PRKCA: variants seen among roughly 807,000 people sequenced by gnomAD.
The protein encoded by PRKCA is protein kinase C alpha, also known as protein kinase C alpha type.
Under a neutral mutation model 87.0 loss-of-function variants are expected in PRKCA, and 27 were observed. The ratio of observed to expected loss-of-function variants is 0.31; its 90% CI spans 0.23 to 0.43. The LOEUF (loss-of-function observed/expected upper bound fraction) is 0.43. PRKCA is among the 20% of genes least tolerant of loss of function. The pLI is 1.00. For missense variants in PRKCA, 518 were observed against 852.3 expected, an observed-to-expected ratio of 0.61 and a Z score of 4.88; for synonymous variants, 329 against 311.1, an observed-to-expected ratio of 1.06 and a Z score of -0.61.
chr17:66,365,781 A>G (rs946404413), intron 2 of PRKCA, among the ~76,000 whole-genome samples: 5 of 152,234 alleles, frequency 3.3e-5, no homozygotes, highest in African/African-American at 1.2e-4. Flanking sequence ...TTATTTAAGC[A>G]GAAGTATTAA....
At chr17:66,747,479 C>T (rs1208697343) in intron 13 of PRKCA, among the ~76,000 whole-genome samples, 1 of 152,242 alleles carries the variant, frequency 6.6e-6, no homozygotes, top group Non-Finnish European at 1.5e-5. Context: ...GATACACTGA[C>T]TTCTCTGCAC....
At chr17:66,566,519 C>G (rs1968905686) in intron 3 of PRKCA, among the ~76,000 whole-genome samples, 1 of 132,496 alleles carries the variant, frequency 7.5e-6, no homozygotes, top group South Asian at 2.6e-4. Context: ...GCTTTCCCCA[C>G]TTTGGGAAAT....
At chr17:66,610,351 C>A (rs1970323175) in intron 3 of PRKCA, among the ~76,000 whole-genome samples, 1 of 152,172 alleles carries the variant, frequency 6.6e-6, no homozygotes, top group African/African-American at 2.4e-5. Context: ...AGTCCAGAGA[C>A]TTTTATGGAG....
chr17:66,798,509 A>G (rs1355491752), intron 16 of PRKCA, among the ~76,000 whole-genome samples: 6 of 888 alleles, frequency 6.8e-3, no homozygotes, highest in Non-Finnish European at 6.3e-3. Context: ...GGTGGTGGTG[A>G]CGGTGGTGAC....
rs552664143 is a variant in PRKCA at position 66,608,785 on chromosome 17, C to A, written c.289-32570C>A. On this transcript the variant is annotated intron_variant, in intron 3 of 16. Coordinates refer to ENST00000413366, the MANE Select transcript of PRKCA (RefSeq NM_002737.3). ...GCTATTCTCCCTGAAAAGAAATAGG[C>A]CAAGAGTTGATTGTTGTGTTAGCTG... Among the ~76,000 whole-genome samples, 6 of 152,134 alleles carry A rather than the reference C, an allele frequency of 3.9e-5. No homozygotes were observed. The South Asian group carries it at 8.3e-4, about 21-fold the overall frequency.
At chr17:66,508,365 G>T (rs1000304729) in intron 3 of PRKCA, among the ~76,000 whole-genome samples, 2 of 152,224 alleles carry the variant, frequency 1.3e-5, no homozygotes, top group Non-Finnish European at 2.9e-5. Context: ...TCATGGCCAC[G>T]AAGATAACAC....
At chr17:66,595,038 A>T (rs1969930876) in intron 3 of PRKCA, among the ~76,000 whole-genome samples, 1 of 151,544 alleles carries the variant, frequency 6.6e-6, no homozygotes, top group Admixed American at 6.6e-5. Context: ...CCATCCCATG[A>T]CTCCCTCCTA....
At chr17:66,765,443 TATATATATATATCC>T in intron 13 of PRKCA, among the ~76,000 whole-genome samples, 1 of 138,410 alleles carries the variant, frequency 7.2e-6, no homozygotes, top group Admixed American at 7.3e-5. Context: ...TATATATATA[TATATATATATATCC>T]ATATATATAC....
intron 3 of PRKCA, among the ~76,000 whole-genome samples, chr17:66,535,414 T>G (rs1967742895): frequency 1.3e-5 from 2 of 152,206 alleles, no homozygotes; most frequent in Admixed American, 1.3e-4. Context: ...TGATGTCTTG[T>G]GGGATAGTTA....
chr17:66,555,209 C>T lies in PRKCA; in HGVS notation c.288+58926C>T, dbSNP rs369063111. Among the ~76,000 whole-genome samples, 4 of 152,312 alleles carry T rather than the reference C, an allele frequency of 2.6e-5. No individual in the cohort carries two copies. In the South Asian group the frequency reaches 8.3e-4, roughly 32 times the overall value. On this transcript the variant is annotated intron_variant, in intron 3 of 16. Transcript: ENST00000413366. ...TTGTAAATTCTTTGAAGGCAGGTAT[C>T]GTATCTTTCTGTGCAGTCAGCACAG...
chr17:66,749,811 T>A (rs558146319), intron 13 of PRKCA, among the ~76,000 whole-genome samples: 2 of 152,168 alleles, frequency 1.3e-5, no homozygotes, highest in South Asian at 4.2e-4. Flanking sequence ...GCCAGGTGAT[T>A]GGAAGGGTGA....
At chr17:66,583,401 G>C (rs1315294060) in intron 3 of PRKCA, among the ~76,000 whole-genome samples, 1 of 152,140 alleles carries the variant, frequency 6.6e-6, no homozygotes, top group Non-Finnish European at 1.5e-5. Context: ...CAGGGGTTAA[G>C]AATAGACAAT....
At chr17:66,772,272 T>TA (rs1974950524) in intron 13 of PRKCA, among the ~76,000 whole-genome samples, 1 of 152,172 alleles carries the variant, frequency 6.6e-6, no homozygotes, top group Non-Finnish European at 1.5e-5. Flanking sequence ...AATTAGAGAC[T>TA]CCTTGTAGGT....
intron 3 of PRKCA, among the ~76,000 whole-genome samples, chr17:66,606,601 A>T (rs1294303985): frequency 3.9e-5 from 6 of 152,222 alleles, no homozygotes; most frequent in Non-Finnish European, 8.8e-5. Flanking sequence ...TAAAATTAGA[A>T]AAATAAAGTA....
intron 2 of PRKCA, among the ~76,000 whole-genome samples, chr17:66,485,688 C>A (rs1437811226): frequency 6.6e-6 from 1 of 152,064 alleles, no homozygotes; most frequent in African/African-American, 2.4e-5. Flanking sequence ...GACCTACATG[C>A]TTATAGATGT....
At chr17:66,732,061 A>T (rs1854207227) in intron 8 of PRKCA, among the ~76,000 whole-genome samples, 1 of 148,444 alleles carries the variant, frequency 6.7e-6, no homozygotes, top group Non-Finnish European at 1.5e-5. Context: ...GAGTGCTGGG[A>T]TCTCTTCTTA....
chr17:66,735,090 C>T (rs1973993076), intron 9 of PRKCA, among the ~76,000 whole-genome samples: 1 of 152,182 alleles, frequency 6.6e-6, no homozygotes, highest in Non-Finnish European at 1.5e-5. Context: ...TTCATAGACG[C>T]AGGAACTGAT....
At chr17:66,561,873 T>C (rs913707148) in intron 3 of PRKCA, among the ~76,000 whole-genome samples, 1 of 151,766 alleles carries the variant, frequency 6.6e-6, no homozygotes, top group Non-Finnish European at 1.5e-5. Context: ...GCAAGTATAA[T>C]GATGGCTGCT....
In PRKCA at chr17:66,804,127, G is replaced by A; in HGVS notation, c.*90G>A. 2.7e-6 allele frequency: 4 copies of A among 1,501,636 alleles called. No homozygotes were observed. In the South Asian group the frequency reaches 5.3e-5, roughly 20 times the overall value. 93.0% of individuals were successfully genotyped at this position (1,501,636 alleles called of 1,614,324 possible). A position where few individuals can be genotyped will look rare whatever the true frequency, so the allele number is the denominator to read the frequency against. ...TTAACCCTAAAATTTTAAGGCCACG[G>A]CCTTGTGTCTGATTCCATATGGAGG... On this transcript the variant is annotated 3_prime_UTR_variant, in exon 17 of 17. Transcript: ENST00000413366.
Sources: allele counts gnomAD v4.1 joint callset (sites outside exome capture counted in the v4.1 genomes callset), GRCh38; gene constraint gnomAD v4.1.1; transcripts MANE v1.5; gene names NCBI Gene and HGNC (gene_info 2026-07-23, HGNC 2026-07-21).